Variants in PRKG2 observed in about 807,000 individuals in gnomAD.
PRKG2 encodes the protein protein kinase cGMP-dependent 2, also known as cGMP-dependent protein kinase 2.
Under a neutral mutation model 97.2 loss-of-function variants are expected in PRKG2, and 33 were observed. The ratio of observed to expected loss-of-function variants is 0.34; its 90% CI spans 0.26 to 0.45. The LOEUF (loss-of-function observed/expected upper bound fraction) is 0.45. Ranked by LOEUF, PRKG2 falls within the 20% of genes least tolerant of loss-of-function variation. The pLI, the probability that PRKG2 is intolerant of heterozygous loss-of-function variation, is 1.00. For missense variants in PRKG2, 638 were observed against 900.0 expected (o/e 0.71, Z 3.73); for synonymous variants, 330 against 321.8 (o/e 1.03, Z -0.27).
chr4:81,113,585 T>C (rs887797092), intron 14 of PRKG2, among the ~76,000 whole-genome samples: 3 of 152,142 alleles, frequency 2.0e-5, no homozygotes, highest in African/African-American at 4.8e-5. Context: ...ATAGAAAAAT[T>C]TGCATTGTGG....
chr4:81,149,008 C>T (rs965324897), intron 8 of PRKG2, 56 bp from the exon 9 acceptor site: 17 of 1,517,978 alleles, frequency 1.1e-5, no homozygotes, highest in Non-Finnish European at 1.5e-5. Flanking sequence ...TAAACATCCA[C>T]TTTTATTAGG....
chr4:81,214,893 C>T (rs1754197402), intron 1 of PRKG2, 43 bp downstream of exon 1: 1 of 152,346 alleles, frequency 6.6e-6, no homozygotes, highest in Non-Finnish European at 1.5e-5. Flanking sequence ...CCCCGCGCGC[C>T]CTCACACCCC....
chr4:81,182,219 T>C (rs1751476518), intron 2 of PRKG2, among the ~76,000 whole-genome samples: 1 of 149,134 alleles, frequency 6.7e-6, no homozygotes, highest in African/African-American at 2.5e-5. Flanking sequence ...AAACAAAGTA[T>C]AAAAAATAAA....
chr4:81,152,759 T>C (rs1748542835), intron 7 of PRKG2, among the ~76,000 whole-genome samples: 1 of 152,196 alleles, frequency 6.6e-6, no homozygotes, highest in Admixed American at 6.6e-5. Context: ...CAATTTTTTA[T>C]CACCAAGAAT....
intron 6 of PRKG2, among the ~76,000 whole-genome samples, chr4:81,163,106 ATTCT>A (rs956546279): frequency 9.9e-5 from 15 of 152,158 alleles, no homozygotes; most frequent in African/African-American, 3.6e-4. Context: ...TCCACGGATG[ATTCT>A]TTGTCACCCA....
chr4:81,142,880 C>T lies in PRKG2; in HGVS notation c.1321G>A (p.Val441Met), dbSNP rs953313156. 1.9e-6 allele frequency: 3 copies of T among 1,613,580 alleles called. No homozygotes were observed. The highest frequency in any genetic ancestry group is 2.5e-6 in the Non-Finnish European group (3 of 1,179,652). Residue 441 changes from valine (V) to methionine (M), a missense_variant, in exon 11 of 19, where the codon GTG (valine) becomes ATG (methionine). By Grantham distance (21) the Val-to-Met change is conservative (BLOSUM62 1). Around this residue, in one of 3 missense-constraint regions of PRKG2, gnomAD observed 304 missense variants for 460.5 expected, o/e 0.66. Coordinates refer to ENST00000264399, the MANE Select transcript of PRKG2 (RefSeq NM_006259.3). ...GGGGATGATGAGGAAAATCTGGCCA[C>T]CTTCTCCTTCAGCTGAATCATTTCC... ...SLEMIQLKEK[V>M]ARFSSSSPFQ...
chr4:81,191,133 C>T (rs1020033573), intron 2 of PRKG2, among the ~76,000 whole-genome samples: 2 of 151,968 alleles, frequency 1.3e-5, no homozygotes, highest in African/African-American at 4.8e-5. Context: ...TACACACACA[C>T]GTATGTTTAT....
chr4:81,195,224 G>T (rs911588848), intron 2 of PRKG2, among the ~76,000 whole-genome samples: 4 of 151,998 alleles, frequency 2.6e-5, no homozygotes, highest in Non-Finnish European at 4.4e-5. Context: ...TTTGTTACAA[G>T]AATTTGACAT....
At chr4:81,117,546 C>T (rs1053345724) in intron 14 of PRKG2, among the ~76,000 whole-genome samples, 1 of 152,004 alleles carries the variant, frequency 6.6e-6, no homozygotes, top group African/African-American at 2.4e-5. Context: ...CTTATTAATA[C>T]ACTAAGATAA....
intron 17 of PRKG2, among the ~76,000 whole-genome samples, chr4:81,095,095 T>C (rs926613412): frequency 6.6e-6 from 1 of 152,138 alleles, no homozygotes; most frequent in African/African-American, 2.4e-5. Flanking sequence ...TCTCTTCTCA[T>C]CCCCAGACTT....
intron 8 of PRKG2, among the ~76,000 whole-genome samples, chr4:81,151,609 G>C: frequency 6.6e-6 from 1 of 151,930 alleles, no homozygotes; most frequent in East Asian, 1.9e-4. Flanking sequence ...TTTTTAAAAA[G>C]GTGAAAACTC....
intron 6 of PRKG2, among the ~76,000 whole-genome samples, chr4:81,157,616 A>G (rs1245185204): frequency 1.3e-5 from 2 of 152,190 alleles, no homozygotes; most frequent in East Asian, 1.9e-4. Context: ...AGCCGGGCAG[A>G]GACACAACCA....
At chr4:81,117,430 A>ACTGACT (rs1288804957) in intron 14 of PRKG2, among the ~76,000 whole-genome samples, 4 of 152,140 alleles carry the variant, frequency 2.6e-5, no homozygotes, top group Non-Finnish European at 4.4e-5. Flanking sequence ...TACTTATACC[A>ACTGACT]CTGACTTTTG....
At chr4:81,154,549 G>T (rs976201927) in intron 6 of PRKG2, among the ~76,000 whole-genome samples, 5 of 142,554 alleles carry the variant, frequency 3.5e-5, no homozygotes, top group Non-Finnish European at 5.9e-5. Flanking sequence ...CAGACCTGCA[G>T]CTGAGGGTCC....
intron 17 of PRKG2, among the ~76,000 whole-genome samples, chr4:81,101,982 T>A (rs1742850395): frequency 6.6e-6 from 1 of 152,158 alleles, no homozygotes; most frequent in South Asian, 2.1e-4. Flanking sequence ...GTTCCCCACC[T>A]TCAGCTTTAT....
intron 2 of PRKG2, among the ~76,000 whole-genome samples, chr4:81,185,413 A>T (rs897443011): frequency 1.3e-5 from 2 of 152,204 alleles, no homozygotes; most frequent in African/African-American, 4.8e-5. Flanking sequence ...AATCCTTTAC[A>T]AACAAGCAAA....
chr4:81,106,396 G>A lies in PRKG2; in HGVS notation c.1941-461C>T, dbSNP rs2109972551. Among the ~76,000 whole-genome samples the A allele has an allele frequency of 2.0e-5, 3 of 152,276 alleles. No homozygotes were observed. The South Asian group carries it at 6.2e-4, about 32-fold the overall frequency. On this transcript the variant is annotated intron_variant, in intron 15 of 18. Coordinates refer to ENST00000264399, the MANE Select transcript of PRKG2 (RefSeq NM_006259.3). ...CCTGGGAGGTCCTGCATAGTGAAGT[G>A]GGCAGTGTGGCTGGTGGAGTGAGGA...
chr4:81,154,002 T>C (rs2110061689), intron 6 of PRKG2: 5 of 245,904 alleles, frequency 2.0e-5, no homozygotes, highest in Middle Eastern at 1.4e-3. Flanking sequence ...AAGAAAGGGG[T>C]GATGGACAGC....
intron 14 of PRKG2, among the ~76,000 whole-genome samples, chr4:81,126,178 T>A (rs1385095395): frequency 1.3e-5 from 2 of 152,208 alleles, no homozygotes; most frequent in African/African-American, 4.8e-5. Context: ...GTTTCCAGCT[T>A]CATCCATGTC....
Sources: gnomAD v4.1 joint callset for allele counts (sites outside exome capture counted in the v4.1 genomes callset) on GRCh38, gnomAD v4.1.1 for gene constraint, gnomAD v4.1.1 regional missense constraint, MANE v1.5 for transcripts, NCBI Gene and HGNC (gene_info 2026-07-23, HGNC 2026-07-21) for gene names.